ROBO1: variants seen among roughly 807,000 people sequenced by gnomAD.
ROBO1 encodes roundabout homolog 1.
In ROBO1, 149 loss-of-function variants were observed where a neutral mutation model predicts 195.9. That is an observed-to-expected ratio of 0.76 (90% confidence interval 0.67 to 0.87). The LOEUF is 0.87. Ranked by LOEUF, ROBO1 falls within the 40% of genes least tolerant of loss-of-function variation. ROBO1 has a pLI of 0.00. For missense variants in ROBO1, 1,933 were observed against 2,068.3 expected (o/e 0.93, Z 1.27); for synonymous variants, 816 against 733.2 (o/e 1.11, Z -1.82).
intron 4 of ROBO1, 133 bp downstream of exon 4, chr3:78,938,468 A>T: frequency 1.4e-6 from 1 of 694,752 alleles, no homozygotes; most frequent in Non-Finnish European, 2.3e-6. Context: ...AGTAGATTGT[A>T]TTCACATACA....
At chr3:79,212,593 G>A (rs953163847) in intron 2 of ROBO1, among the ~76,000 whole-genome samples, 2 of 152,046 alleles carry the variant, frequency 1.3e-5, no homozygotes, top group East Asian at 1.9e-4. Context: ...GACTGAGGGC[G>A]CAGATCACTT....
chr3:79,284,040 G>T (rs564642672), intron 2 of ROBO1, among the ~76,000 whole-genome samples: 2 of 151,526 alleles, frequency 1.3e-5, no homozygotes, highest in Non-Finnish European at 2.9e-5. Context: ...GTAAGTTCTG[G>T]GTCGCTGGTG....
chr3:79,426,345 C>A (rs1180843810), intron 2 of ROBO1, among the ~76,000 whole-genome samples: 1 of 151,840 alleles, frequency 6.6e-6, no homozygotes, highest in East Asian at 1.9e-4. Context: ...TACTTCCTTT[C>A]TTCATATATA....
chr3:79,047,659 A>G (rs1021460951), intron 3 of ROBO1, among the ~76,000 whole-genome samples: 9 of 152,160 alleles, frequency 5.9e-5, no homozygotes, highest in African/African-American at 2.2e-4. Context: ...CACATTTAGT[A>G]TAGAATAAGC....
At chr3:78,966,722 T>A (rs938001884) in intron 3 of ROBO1, among the ~76,000 whole-genome samples, 1 of 152,210 alleles carries the variant, frequency 6.6e-6, no homozygotes, top group African/African-American at 2.4e-5. Context: ...GAGCTCCATC[T>A]CCTTAGAAAT....
At chr3:79,650,296 T>A (rs1469243722) in intron 1 of ROBO1, among the ~76,000 whole-genome samples, 3 of 151,598 alleles carry the variant, frequency 2.0e-5, no homozygotes, top group Non-Finnish European at 4.4e-5. Context: ...TTTAAAAACT[T>A]TGTCAATGAA....
chr3:78,607,186 T>C (rs62260370), intron 28 of ROBO1, 145 bp from the exon 29 acceptor site: 8,576 of 755,804 alleles, frequency 0.011, 86 homozygotes, highest in Middle Eastern at 0.018. Flanking sequence ...CAAGGAAAAA[T>C]ACCCACAATT....
At chr3:78,799,786 T>C (rs2084308498) in intron 4 of ROBO1, among the ~76,000 whole-genome samples, 2 of 152,210 alleles carry the variant, frequency 1.3e-5, no homozygotes, top group Admixed American at 6.5e-5. Context: ...TTTCTTGTGC[T>C]ACTTCTACCT....
intron 2 of ROBO1, among the ~76,000 whole-genome samples, chr3:79,253,976 T>C (rs1214494118): frequency 6.6e-6 from 1 of 152,196 alleles, no homozygotes; most frequent in African/African-American, 2.4e-5. Context: ...AGTTTTCTAG[T>C]GTGCCTTGTT....
At chr3:78,604,859 T>C (rs960243461) in intron 29 of ROBO1, among the ~76,000 whole-genome samples, 1 of 152,224 alleles carries the variant, frequency 6.6e-6, no homozygotes, top group African/African-American at 2.4e-5. Flanking sequence ...CTTTGCTGAT[T>C]CCTCAACTAA....
intron 4 of ROBO1, among the ~76,000 whole-genome samples, chr3:78,808,750 G>A (rs1037786222): frequency 1.3e-5 from 2 of 152,078 alleles, no homozygotes; most frequent in African/African-American, 2.4e-5. Context: ...ATGGGGAAAC[G>A]ATTCCCTATA....
At chr3:79,626,890 C>G (rs1395703835) in intron 1 of ROBO1, among the ~76,000 whole-genome samples, 1 of 152,078 alleles carries the variant, frequency 6.6e-6, no homozygotes, top group African/African-American at 2.4e-5. Flanking sequence ...CTTGAATGAA[C>G]TCCGATTCAC....
At chr3:79,363,386 T>C (rs1383994923) in intron 2 of ROBO1, among the ~76,000 whole-genome samples, 1 of 152,212 alleles carries the variant, frequency 6.6e-6, no homozygotes. Context: ...GGAACTGTTA[T>C]CATTTTATCC....
Position 79,125,491 on chromosome 3 carries a change from G to T in ROBO1, c.137C>A (p.Thr46Asn), listed in dbSNP as rs2108572256. The change falls in exon 3 of 31, where the codon ACC (threonine) becomes AAC (asparagine). Residue 46 changes from threonine (T) to asparagine (N), a missense_variant. Coordinates refer to ENST00000464233, the MANE Select transcript of ROBO1 (RefSeq NM_002941.4). Reference sequence around the variant, plus strand: ...CAGCGAATTGTCATCGTTATCAGAGGTGGGGATTGGCGTCCCGTGGTCGTT... The same window carrying T: ...CAGCGAATTGTCATCGTTATCAGAGTTGGGGATTGGCGTCCCGTGGTCGTT... ...RGNDHGTPIP[T>N]SDNDDNSLGY... 1 of 1,613,684 alleles carries T rather than the reference G, an allele frequency of 6.2e-7. No homozygotes were observed. Among genetic ancestry groups the T allele is most frequent in the Non-Finnish European group, 8.5e-7 (1 of 1,179,762 alleles).
intron 2 of ROBO1, among the ~76,000 whole-genome samples, chr3:79,367,390 G>C (rs2036018715): frequency 1.3e-5 from 2 of 152,108 alleles, no homozygotes; most frequent in African/African-American, 4.8e-5. Flanking sequence ...AGAATTCCCT[G>C]AAGCTTATCA....
At chr3:78,725,919 A>G (rs2082150526) in intron 5 of ROBO1, among the ~76,000 whole-genome samples, 1 of 124,690 alleles carries the variant, frequency 8.0e-6, no homozygotes, top group Non-Finnish European at 1.6e-5. Context: ...GATTTGCAGT[A>G]TCTGTTACAC....
intron 1 of ROBO1, among the ~76,000 whole-genome samples, chr3:79,716,672 T>A (rs1328222782): frequency 1.3e-5 from 2 of 151,976 alleles, no homozygotes; most frequent in Non-Finnish European, 2.9e-5. Context: ...GATGACCTGA[T>A]ACCAACTATG....
intron 27 of ROBO1, among the ~76,000 whole-genome samples, chr3:78,615,566 T>G (rs1704065719): frequency 6.6e-6 from 1 of 152,216 alleles, no homozygotes; most frequent in Non-Finnish European, 1.5e-5. Context: ...CTTACATAGA[T>G]GCTGTATTAC....
At chr3:79,598,964 A>G (rs1417458212) in intron 1 of ROBO1, among the ~76,000 whole-genome samples, 1 of 152,080 alleles carries the variant, frequency 6.6e-6, no homozygotes, top group Non-Finnish European at 1.5e-5. Flanking sequence ...CGAGAAAGCC[A>G]GGACTAAACC....
Sources: gnomAD v4.1 joint callset for allele counts (sites outside exome capture counted in the v4.1 genomes callset) on GRCh38, gnomAD v4.1.1 for gene constraint, MANE v1.5 for transcripts, NCBI Gene and HGNC (gene_info 2026-07-23, HGNC 2026-07-21) for gene names.